RRAS2: variants seen among roughly 807,000 people sequenced by gnomAD.
The protein encoded by RRAS2 is ras-related protein R-Ras2.
Under a neutral mutation model 27.6 loss-of-function variants are expected in RRAS2, and 7 were observed. That is an observed-to-expected ratio of 0.25 (90% CI 0.14 to 0.48). The LOEUF is 0.48. Ranked by LOEUF, RRAS2 falls within the 20% of genes least tolerant of loss-of-function variation. The pLI, the probability that RRAS2 is intolerant of heterozygous loss-of-function variation, is 0.99. For missense variants in RRAS2, 178 were observed against 256.2 expected (o/e 0.69, Z 2.08); for synonymous variants, 86 against 90.9 (o/e 0.95, Z 0.31).
At chr11:14,314,775 C>T (rs999083968) in intron 1 of RRAS2, among the ~76,000 whole-genome samples, 1 of 152,064 alleles carries the variant, frequency 6.6e-6, no homozygotes, top group Non-Finnish European at 1.5e-5. Context: ...CTGCAACCTC[C>T]GCCTCCAGGT....
chr11:14,292,484 T>C (rs997410323), intron 4 of RRAS2, among the ~76,000 whole-genome samples: 1 of 152,108 alleles, frequency 6.6e-6, no homozygotes, highest in African/African-American at 2.4e-5. Context: ...ATATAGAGTT[T>C]CTAGTACTAG....
At chr11:14,282,463 CAT>C (rs1400734214) in intron 4 of RRAS2, among the ~76,000 whole-genome samples, 3 of 152,104 alleles carry the variant, frequency 2.0e-5, no homozygotes, top group South Asian at 2.1e-4. Flanking sequence ...AATAAGAAAA[CAT>C]AAACTGAATG....
At chr11:14,344,661 C>A (rs1848790694) in intron 1 of RRAS2, among the ~76,000 whole-genome samples, 1 of 152,150 alleles carries the variant, frequency 6.6e-6, no homozygotes. Context: ...AGAGAAAATT[C>A]ATCAGGAAAT....
intron 1 of RRAS2, among the ~76,000 whole-genome samples, chr11:14,333,024 G>A (rs1848512010): frequency 6.6e-6 from 1 of 152,004 alleles, no homozygotes; most frequent in South Asian, 2.1e-4. Context: ...CAACATTTGG[G>A]TCAATTTCTA....
chr11:14,300,300 C>G (rs1463737512), intron 1 of RRAS2, among the ~76,000 whole-genome samples: 1 of 152,324 alleles, frequency 6.6e-6, no homozygotes, highest in Middle Eastern at 3.4e-3. Flanking sequence ...ACTTCAGTTT[C>G]TTTAACATTG....
intron 4 of RRAS2, among the ~76,000 whole-genome samples, chr11:14,288,230 T>C (rs1345305873): frequency 5.3e-5 from 8 of 152,312 alleles, no homozygotes; most frequent in African/African-American, 1.9e-4. Flanking sequence ...CTGCCTGCCT[T>C]GGCCTCCCAA....
intron 1 of RRAS2, among the ~76,000 whole-genome samples, chr11:14,350,151 G>C (rs782661410): frequency 2.6e-5 from 4 of 152,074 alleles, no homozygotes; most frequent in African/African-American, 4.8e-5. Flanking sequence ...TACACAAAAG[G>C]TAGTATACAC....
intron 4 of RRAS2, among the ~76,000 whole-genome samples, chr11:14,292,031 G>A (rs1554945855): frequency 6.6e-6 from 1 of 152,096 alleles, no homozygotes; most frequent in Admixed American, 6.6e-5. Flanking sequence ...ATGAAACAAA[G>A]CTTTCACTGT....
intron 1 of RRAS2, among the ~76,000 whole-genome samples, chr11:14,344,970 G>T: frequency 7.3e-6 from 1 of 137,650 alleles, no homozygotes; most frequent in East Asian, 2.1e-4. Context: ...TATTTCCTGT[G>T]CCCTACTCAA....
chr11:14,338,880 T>C (rs1211919989), intron 1 of RRAS2, among the ~76,000 whole-genome samples: 3 of 152,024 alleles, frequency 2.0e-5, no homozygotes, highest in Non-Finnish European at 4.4e-5. Flanking sequence ...CAAAACATGA[T>C]GGGGAAACGG....
chr11:14,350,584 TCAGGTATTC>T (rs1554954628), intron 1 of RRAS2, among the ~76,000 whole-genome samples: 1 of 152,084 alleles, frequency 6.6e-6, no homozygotes, highest in Non-Finnish European at 1.5e-5. Context: ...TTACCCAGCC[TCAGGTATTC>T]CTTTAGGGCA....
At chr11:14,352,397 A>T (rs1848974494) in intron 1 of RRAS2, among the ~76,000 whole-genome samples, 1 of 152,236 alleles carries the variant, frequency 6.6e-6, no homozygotes, top group South Asian at 2.1e-4. Flanking sequence ...AATTTAAGAC[A>T]ATTTATATTT....
At chr11:14,348,153 G>A (rs782063639) in intron 1 of RRAS2, among the ~76,000 whole-genome samples, 7 of 152,108 alleles carry the variant, frequency 4.6e-5, no homozygotes, top group African/African-American at 1.2e-4. Flanking sequence ...TCAATGCCTC[G>A]CTGAACAAAT....
rs571703032 is a variant in RRAS2 at position 14,286,185 on chromosome 11, C to T, written c.409-4465G>A. Among the ~76,000 whole-genome samples, 3 of 152,272 alleles carry T rather than the reference C, an allele frequency of 2.0e-5. No individual in the cohort carries two copies. In the East Asian group the frequency reaches 5.8e-4, roughly 29 times the overall value. ...TGTCCACTAATTCTATTATCTTTGT[C>T]ATTTCTGGATCTGCTCCTATTAATT... is the stretch of plus-strand genomic sequence containing the variant. On this transcript the variant is annotated intron_variant, in intron 4 of 5. Transcript: ENST00000256196.
intron 1 of RRAS2, among the ~76,000 whole-genome samples, chr11:14,353,577 A>C (rs1297123693): frequency 3.3e-5 from 5 of 151,776 alleles, no homozygotes; most frequent in Non-Finnish European, 5.9e-5. Flanking sequence ...AGCCTGAACA[A>C]GAGCGAAACT....
At chr11:14,323,195 C>G (rs1382887900) in intron 1 of RRAS2, among the ~76,000 whole-genome samples, 1 of 152,080 alleles carries the variant, frequency 6.6e-6, no homozygotes, top group Non-Finnish European at 1.5e-5. Flanking sequence ...ACCTGTAATG[C>G]CAACACTTTG....
At chr11:14,291,762 T>C (rs934014436) in intron 4 of RRAS2, among the ~76,000 whole-genome samples, 5 of 152,216 alleles carry the variant, frequency 3.3e-5, no homozygotes, top group Admixed American at 2.6e-4. Context: ...ATATGTTGAC[T>C]GTCTGCAGAC....
At chr11:14,336,072 G>A (rs1382398291) in intron 1 of RRAS2, among the ~76,000 whole-genome samples, 7 of 152,190 alleles carry the variant, frequency 4.6e-5, no homozygotes, top group Non-Finnish European at 1.0e-4. Flanking sequence ...ACCAAGTGGG[G>A]AGCTAAGACT....
intron 1 of RRAS2, among the ~76,000 whole-genome samples, chr11:14,349,140 T>C (rs541863697): frequency 1.6e-4 from 24 of 150,864 alleles, no homozygotes; most frequent in Non-Finnish European, 3.1e-4. Flanking sequence ...TAATTTTTTG[T>C]ATTCATTTTT....
Sources: allele counts gnomAD v4.1 joint callset (sites outside exome capture counted in the v4.1 genomes callset), GRCh38; gene constraint gnomAD v4.1.1; transcripts MANE v1.5; gene names NCBI Gene and HGNC (gene_info 2026-07-23, HGNC 2026-07-21).